Variants in MTRES1 observed in about 807,000 individuals in gnomAD.
MTRES1 encodes mitochondrial transcription rescue factor 1, also known as uncharacterized protein C6orf203.
A neutral mutation model predicts 17.4 loss-of-function variants in MTRES1; 11 were observed. The ratio of observed to expected loss-of-function variants is 0.63; its 90% CI spans 0.40 to 1.05. The LOEUF is 1.05. Among genes scored for constraint, MTRES1 ranks in the 50% least tolerant of loss-of-function variants. The pLI, the probability that MTRES1 is intolerant of heterozygous loss-of-function variation, is 0.00. For synonymous variants in MTRES1, 94 were observed against 99.6 expected (o/e 0.94, Z 0.34); for missense variants, 268 against 276.2 (o/e 0.97, Z 0.21).
Position 107,040,124 on chromosome 6 carries a change from C to T in MTRES1, c.364C>T (p.Leu122Phe). ...HDEMSEQEEE[L>F]EDDPTVVKNY... ...TGAGATGAGTGAGCAGGAAGAGGAG[C>T]TTGAGGATGATCCTACTGTAGTCAA... Residue 122 changes from leucine (L) to phenylalanine (F), a missense_variant, in exon 2 of 4, where the codon CTT (leucine) becomes TTT (phenylalanine). By Grantham distance (22) the Leu-to-Phe change is conservative. Coordinates refer to ENST00000311381, the MANE Select transcript of MTRES1 (RefSeq NM_016487.5). The T allele has an allele frequency of 1.2e-6, 2 of 1,613,744 alleles. No homozygotes were observed. Among genetic ancestry groups the T allele is most frequent in the Non-Finnish European group, 8.5e-7 (1 of 1,179,992 alleles).
intron 1 of MTRES1, 31 bp from the exon 2 acceptor site, chr6:107,039,718 T>G: frequency 1.3e-6 from 2 of 1,560,738 alleles, no homozygotes; most frequent in Non-Finnish European, 1.7e-6. Flanking sequence ...ACTGCACTTG[T>G]GAGATAAAAC....
At position 107,051,193 on chromosome 6, in the gene MTRES1, G is replaced by A. The variant is rs140099248; in HGVS notation, c.680G>A (p.Arg227Gln). 1.5e-5 allele frequency: 25 copies of A among 1,613,736 alleles called. No homozygotes were observed. Among genetic ancestry groups the A allele is most frequent in the African/African-American group, 6.7e-5 (5 of 75,024 alleles). ...GAAAAATACAGAGTGGTGTTACGGC[G>A]GTGGAAAAGTTTAAAGTTGCCTAAG... ...ESEKYRVVLR[R>Q]WKSLKLPKKR... Residue 227 changes from arginine to glutamine, a missense_variant, in exon 4 of 4, where the codon CGG (arginine) becomes CAG (glutamine). Arg to Gln is a conservative substitution (Grantham distance 43). Coordinates refer to ENST00000311381, the MANE Select transcript of MTRES1 (RefSeq NM_016487.5).
chr6:107,029,952 C>T (rs1277404350), intron 1 of MTRES1: 2 of 646,106 alleles, frequency 3.1e-6, no homozygotes, highest in Non-Finnish European at 5.6e-6. Context: ...TTTCTTCCCC[C>T]AGTGCATTAA....
At chr6:107,034,492 G>A (rs1445881330) in intron 1 of MTRES1, among the ~76,000 whole-genome samples, 3 of 152,038 alleles carry the variant, frequency 2.0e-5, no homozygotes, top group Non-Finnish European at 4.4e-5. Flanking sequence ...TCAGGGTGTG[G>A]AAGAAAGAGT....
intron 3 of MTRES1, among the ~76,000 whole-genome samples, chr6:107,045,760 C>T (rs1215581164): frequency 1.3e-5 from 2 of 152,042 alleles, no homozygotes; most frequent in African/African-American, 2.4e-5. Context: ...ACACAAGACA[C>T]GAGGTATTGG....
At chr6:107,046,930 T>TTGTGTGTGTGTG (rs67662472) in intron 3 of MTRES1, among the ~76,000 whole-genome samples, 2 of 33,016 alleles carry the variant, frequency 6.1e-5, no homozygotes, top group African/African-American at 1.3e-4. Context: ...GGATTCATTC[T>TTGTGTGTGTGTG]TGTGTGTGTG....
intron 2 of MTRES1, among the ~76,000 whole-genome samples, chr6:107,043,228 G>A (rs1012751651): frequency 1.7e-4 from 26 of 152,086 alleles, no homozygotes; most frequent in Admixed American, 1.0e-3. Context: ...CAGCTACTCA[G>A]GAGGCTGAGG....
At chr6:107,044,113 CTT>C (rs1774310882) in intron 2 of MTRES1, 145 bp from the exon 3 acceptor site, 1 of 572,064 alleles carries the variant, frequency 1.7e-6, no homozygotes, top group Non-Finnish European at 3.0e-6. Flanking sequence ...CAGAGTGAGA[CTT>C]TGTCTCAAAA....
At chr6:107,030,594 C>T (rs9373908) in intron 1 of MTRES1, among the ~76,000 whole-genome samples, 19,083 of 152,172 alleles carry the variant, frequency 0.13, 1,676 homozygotes, top group East Asian at 0.35. Flanking sequence ...CGTGAGAGAT[C>T]TATCAGGAAA....
chr6:107,049,327 G>T (rs1430559268), intron 3 of MTRES1, among the ~76,000 whole-genome samples: 4 of 151,840 alleles, frequency 2.6e-5, no homozygotes, highest in African/African-American at 9.7e-5. Flanking sequence ...GTGGTGAGGG[G>T]TATGAGATGG....
Position 107,040,204 on chromosome 6 carries a change from G to T in MTRES1, c.444G>T (p.Leu148=). ...AGTCTTTTCGGTATGATGTTGTCCT[G>T]AAGACGGGGCTAGATATTGGGAGAA... ...AVQSFRYDVV[L]KTGLDIGRNK... is the part of the protein sequence containing the mutation. Residue 148 remains leucine (L), a synonymous_variant, in exon 2 of 4, where the codon CTG becomes CTT. Transcript: ENST00000311381. 6.2e-7 allele frequency: 1 copy of T among 1,602,476 alleles called. No homozygotes were observed. Among genetic ancestry groups the T allele is most frequent in the Admixed American group, 1.8e-5 (1 of 56,588 alleles).
At chr6:107,028,818 T>A in intron 1 of MTRES1, 1 of 892,358 alleles carries the variant, frequency 1.1e-6, no homozygotes, top group Non-Finnish European at 1.3e-6. Context: ...ATTGTATACC[T>A]CTCCTGAAGA....
At chr6:107,048,639 G>T (rs1774477395) in intron 3 of MTRES1, among the ~76,000 whole-genome samples, 1 of 151,526 alleles carries the variant, frequency 6.6e-6, no homozygotes, top group South Asian at 2.1e-4. Context: ...AATTAGCTGG[G>T]TGTGGTGGCA....
chr6:107,030,037 A>G (rs376756955), intron 1 of MTRES1: 3 of 716,868 alleles, frequency 4.2e-6, no homozygotes, highest in African/African-American at 1.8e-5. Flanking sequence ...TATAAACTCT[A>G]CAAGAATAGG....
At chr6:107,046,634 C>T (rs1774399504) in intron 3 of MTRES1, among the ~76,000 whole-genome samples, 1 of 152,128 alleles carries the variant, frequency 6.6e-6, no homozygotes, top group Admixed American at 6.6e-5. Context: ...CTCGCCTTCC[C>T]TGGTCTGCTC....
At position 107,040,029 on chromosome 6, in the gene MTRES1, C is replaced by T; in HGVS notation, c.269C>T (p.Ser90Phe). ...FSVRLKSNIR[S>F]TKSTKKSLQK... ...GTAAGACTCAAAAGTAATATAAGGT[C>T]TACAAAATCTACTAAAAAGTCTCTG... The change falls in exon 2 of 4, where the codon TCT becomes TTT. Residue 90 changes from serine to phenylalanine, a missense_variant. Physicochemically the swap from Ser to Phe is radical, Grantham distance 155. Coordinates refer to ENST00000311381, the MANE Select transcript of MTRES1 (RefSeq NM_016487.5). The T allele has an allele frequency of 6.2e-7, 1 of 1,613,004 alleles. No homozygotes were observed. The highest frequency in any genetic ancestry group is 8.5e-7 in the Non-Finnish European group (1 of 1,179,672).
chr6:107,032,882 G>A (rs1028264450), intron 1 of MTRES1, among the ~76,000 whole-genome samples: 2 of 152,100 alleles, frequency 1.3e-5, no homozygotes, highest in African/African-American at 4.8e-5. Context: ...AACTTTGTAG[G>A]CATCCTTGCT....
intron 3 of MTRES1, 135 bp from the exon 4 acceptor site, chr6:107,050,922 A>T (rs1376346094): frequency 3.5e-5 from 25 of 710,006 alleles, no homozygotes; most frequent in Non-Finnish European, 5.5e-5. Context: ...GGTGACAGTG[A>T]CTAAGGTCAG....
chr6:107,032,707 A>T (rs1345774952), intron 1 of MTRES1, among the ~76,000 whole-genome samples: 3 of 152,152 alleles, frequency 2.0e-5, no homozygotes, highest in Non-Finnish European at 4.4e-5. Flanking sequence ...CCATCTCAAA[A>T]AAATAAAAAA....
Sources: gnomAD v4.1 joint callset for allele counts (sites outside exome capture counted in the v4.1 genomes callset) on GRCh38, gnomAD v4.1.1 for gene constraint, MANE v1.5 for transcripts, NCBI Gene and HGNC (gene_info 2026-07-23, HGNC 2026-07-21) for gene names.